The following PALLD variants were observed in gnomAD, a reference collection of about 807,000 sequenced individuals.
PALLD encodes the protein palladin.
Under a neutral mutation model 123.5 loss-of-function variants are expected in PALLD, and 61 were observed. That is an observed-to-expected ratio of 0.49 (90% CI 0.40 to 0.61). The LOEUF is 0.61. PALLD is among the 20% of genes least tolerant of loss of function. The pLI, the probability that PALLD is intolerant of heterozygous loss-of-function variation, is 0.00. For missense variants in PALLD, 1,273 were observed against 1,377.0 expected (o/e 0.92, Z 1.20); for synonymous variants, 465 against 496.4 (o/e 0.94, Z 0.84).
intron 2 of PALLD, among the ~76,000 whole-genome samples, chr4:168,641,786 C>T (rs893562345): frequency 1.3e-5 from 2 of 152,138 alleles, no homozygotes; most frequent in Non-Finnish European, 2.9e-5. Flanking sequence ...CTCCCGTGCA[C>T]CCCAGCTGGG....
chr4:168,771,676 C>G (rs1212889453), intron 10 of PALLD, among the ~76,000 whole-genome samples: 2 of 152,178 alleles, frequency 1.3e-5, no homozygotes. Context: ...CTTGTCTACA[C>G]TTGGTCTCAG....
In PALLD at chr4:168,878,310, C is replaced by A. The variant is rs2151119973; in HGVS notation, c.1965-12612C>A. 6 of 1,526,974 alleles carry A rather than the reference C, an allele frequency of 3.9e-6. No individual in the cohort carries two copies. Among genetic ancestry groups the A allele is most frequent in the Non-Finnish European group, 5.2e-6 (6 of 1,143,714 alleles). The allele number at this position is 1,526,974 out of a possible 1,614,324, so 94.6% of individuals were successfully genotyped here. ...CGCTTCGGCCACAGCCAGACGCCCG[C>A]GGCCTTCCTCAGCGCTCTGCTGCCC... On this transcript the variant is annotated intron_variant, in intron 10 of 21. Coordinates refer to ENST00000505667, the MANE Select transcript of PALLD (RefSeq NM_001166108.2).
chr4:168,865,849 A>C (rs1328914383), intron 10 of PALLD, among the ~76,000 whole-genome samples: 1 of 152,232 alleles, frequency 6.6e-6, no homozygotes, highest in Non-Finnish European at 1.5e-5. Flanking sequence ...CTATACTGCA[A>C]AGATATGAAA....
At chr4:168,655,812 A>G (rs1778502649) in intron 2 of PALLD, among the ~76,000 whole-genome samples, 1 of 152,202 alleles carries the variant, frequency 6.6e-6, no homozygotes, top group African/African-American at 2.4e-5. Flanking sequence ...CTTTGGGGAA[A>G]GTTCTTCCAT....
chr4:168,768,378 C>T (rs1008201139), intron 10 of PALLD, among the ~76,000 whole-genome samples: 9 of 152,080 alleles, frequency 5.9e-5, no homozygotes, highest in Non-Finnish European at 1.2e-4. Flanking sequence ...CATTAATTAC[C>T]CTGAACCTGG....
At chr4:168,835,554 G>T (rs1745035120) in intron 10 of PALLD, among the ~76,000 whole-genome samples, 1 of 152,084 alleles carries the variant, frequency 6.6e-6, no homozygotes, top group Admixed American at 6.6e-5. Context: ...CAGTCTCCCA[G>T]GTGTTTAGCC....
intron 2 of PALLD, among the ~76,000 whole-genome samples, chr4:168,553,721 G>GT (rs540310653): frequency 1.5e-4 from 23 of 152,094 alleles, no homozygotes; most frequent in East Asian, 7.7e-4. Flanking sequence ...GCCTTGCTTT[G>GT]TTTTTTTGGA....
intron 2 of PALLD, among the ~76,000 whole-genome samples, chr4:168,615,521 G>A (rs1051007992): frequency 2.6e-5 from 4 of 152,126 alleles, no homozygotes; most frequent in African/African-American, 9.7e-5. Flanking sequence ...ACATTTCAAC[G>A]GGGCACAAAG....
chr4:168,893,558 G>C (rs1300095154), intron 11 of PALLD, among the ~76,000 whole-genome samples: 2 of 152,222 alleles, frequency 1.3e-5, no homozygotes, highest in Admixed American at 1.3e-4. Flanking sequence ...AAGTTTATCT[G>C]AAATAATTTC....
chr4:168,578,790 T>C (rs1032165943), intron 2 of PALLD, among the ~76,000 whole-genome samples: 2 of 151,480 alleles, frequency 1.3e-5, no homozygotes, highest in African/African-American at 4.8e-5. Flanking sequence ...GATCAATGGA[T>C]AGATAGATAG....
Position 168,511,750 on chromosome 4 carries a change from G to A in PALLD, c.246G>A (p.Lys82=). 6.2e-7 allele frequency: 1 copy of A among 1,614,158 alleles called. No homozygotes were observed. The highest frequency in any genetic ancestry group is 1.1e-5 in the South Asian group (1 of 91,078). ...GCCTCTGTGAACATCCTTCCCATAA[G>A]GAGACCAAATTGGGTGAACACGCCT... ...PASLCEHPSH[K]ETKLGEHASR... The change falls in exon 2 of 22, where the codon AAG becomes AAA. Residue 82 remains lysine (K), a synonymous_variant. Transcript: ENST00000505667.
intron 2 of PALLD, among the ~76,000 whole-genome samples, chr4:168,581,409 C>T (rs868219532): frequency 1.1e-4 from 17 of 152,138 alleles, no homozygotes; most frequent in East Asian, 1.9e-4. Context: ...CCCTTGCCAA[C>T]GCTTAATCTT....
At chr4:168,878,323 C>G in intron 10 of PALLD, 2 of 1,524,656 alleles carry the variant, frequency 1.3e-6, no homozygotes, top group South Asian at 1.2e-5. Context: ...CCTTCCTCAG[C>G]GCTCTGCTGC....
intron 10 of PALLD, among the ~76,000 whole-genome samples, chr4:168,876,401 A>G (rs78095829): frequency 2.4e-3 from 367 of 152,312 alleles, no homozygotes; most frequent in African/African-American, 8.6e-3. Context: ...AAAACACTCA[A>G]GTTCAATAGG....
chr4:168,812,903 G>A (rs1478118501), intron 10 of PALLD, among the ~76,000 whole-genome samples: 1 of 152,138 alleles, frequency 6.6e-6, no homozygotes, highest in African/African-American at 2.4e-5. Context: ...GGAAATTAGA[G>A]GGAAGCCTAA....
intron 2 of PALLD, among the ~76,000 whole-genome samples, chr4:168,537,171 A>G (rs1251310151): frequency 6.6e-6 from 1 of 152,146 alleles, no homozygotes; most frequent in South Asian, 2.1e-4. Flanking sequence ...TTTACTACAG[A>G]TACATTTCTA....
rs188605120 is a variant in PALLD at position 168,592,048 on chromosome 4, G to A, written c.909-76142G>A. 2.2e-3 allele frequency among the ~76,000 whole-genome samples: 328 copies of A among 147,000 alleles called. 1 individual carries two copies. Among genetic ancestry groups the A allele is most frequent in the African/African-American group, 8.1e-3 (320 of 39,362 alleles). ...TTTTTTTTTTTTGAGATGGAGTCGCGCTCTGTCACCCAGGCTGCAGTGCAA... is the reference window on the plus strand; with the variant it reads ...TTTTTTTTTTTTGAGATGGAGTCGCACTCTGTCACCCAGGCTGCAGTGCAA... On this transcript the variant is annotated intron_variant, in intron 2 of 21. Coordinates refer to ENST00000505667, the MANE Select transcript of PALLD (RefSeq NM_001166108.2).
At chr4:168,708,960 G>C (rs1784467895) in intron 8 of PALLD, 68 bp from the exon 9 acceptor site, 4 of 1,380,216 alleles carry the variant, frequency 2.9e-6, no homozygotes, top group Non-Finnish European at 3.1e-6. Flanking sequence ...AAAGGTGGAG[G>C]GTCTCACTTC....
intron 10 of PALLD, among the ~76,000 whole-genome samples, chr4:168,740,080 C>T (rs577176422): frequency 6.6e-6 from 1 of 152,076 alleles, no homozygotes; most frequent in African/African-American, 2.4e-5. Context: ...AAAAATGACA[C>T]ATGCCATTTT....
Sources: allele counts gnomAD v4.1 joint callset (sites outside exome capture counted in the v4.1 genomes callset), GRCh38; gene constraint gnomAD v4.1.1; transcripts MANE v1.5; gene names NCBI Gene and HGNC (gene_info 2026-07-23, HGNC 2026-07-21).